PCDHGA12: variants seen among roughly 807,000 people sequenced by gnomAD.
PCDHGA12 encodes the protein protocadherin gamma-A12.
A neutral mutation model predicts 61.1 loss-of-function variants in PCDHGA12; 43 were observed. That is an observed-to-expected ratio of 0.70 (90% CI 0.55 to 0.91). PCDHGA12 has a LOEUF of 0.91. Ranked by LOEUF, PCDHGA12 falls within the 40% of genes least tolerant of loss-of-function variation. The probability of loss-of-function intolerance (pLI) is 0.00; values close to 1 mark genes in which losing one functional copy is unlikely to be tolerated. For missense variants in PCDHGA12, 1,236 were observed against 1,227.7 expected, an observed-to-expected ratio of 1.01 and a Z score of -0.10; for synonymous variants, 520 against 542.9, an observed-to-expected ratio of 0.96 and a Z score of 0.59.
rs756423770 is a variant in PCDHGA12 at position 141,430,950 on chromosome 5, T to G, written c.191T>G (p.Val64Gly). 8 of 1,609,862 alleles carry G rather than the reference T, an allele frequency of 5.0e-6. No individual in the cohort carries two copies. The East Asian group carries it at 1.6e-4, about 31-fold the overall frequency. The change falls in exon 1 of 4, where the codon GTC becomes GGC. Residue 64 changes from valine (V) to glycine (G), a missense_variant. By Grantham distance (109) the Val-to-Gly change is moderately radical. Coordinates refer to ENST00000252085, the MANE Select transcript of PCDHGA12 (RefSeq NM_003735.3). ...LEPRELAERGVRIIPRGRTQL... is the reference protein window; with the variant it reads ...LEPRELAERGGRIIPRGRTQL... ...CCCCGGGAGCTCGCGGAGCGCGGAG[T>G]CCGCATCATCCCCAGAGGTAGGACG...
intron 2 of PCDHGA12, 76 bp from the exon 3 acceptor site, chr5:141,505,317 G>T: frequency 6.2e-7 from 1 of 1,603,092 alleles, no homozygotes. Flanking sequence ...AGGTTTGGGA[G>T]CCCTGGGAGA....
At chr5:141,499,330 C>T (rs1040336371) in intron 2 of PCDHGA12, among the ~76,000 whole-genome samples, 1 of 152,170 alleles carries the variant, frequency 6.6e-6, no homozygotes, top group African/African-American at 2.4e-5. Flanking sequence ...CCTGCTCTCT[C>T]TCAGTTTGGG....
At position 141,433,195 on chromosome 5, in the gene PCDHGA12, T is replaced by C. The variant is rs765385329; in HGVS notation, c.2424+12T>C. 8 of 1,582,476 alleles carry C rather than the reference T, an allele frequency of 5.1e-6. No individual in the cohort carries two copies. Among genetic ancestry groups the C allele is most frequent in the Non-Finnish European group, 6.9e-6 (8 of 1,166,724 alleles). On this transcript the variant is annotated intron_variant, in intron 1 of 3. Transcript: ENST00000252085. ...ATGGGTTAATTGAGGTGAGTTTATA[T>C]CAAATCTTCTTTCTTTTTTTTTTTT...
chr5:141,468,505 C>A (rs1293623271), intron 1 of PCDHGA12: 1 of 152,020 alleles, frequency 6.6e-6, no homozygotes, highest in East Asian at 1.9e-4. Context: ...TTCATGTGGA[C>A]AAATTTAGTA....
chr5:141,472,533 C>A (rs1200612581), intron 1 of PCDHGA12, among the ~76,000 whole-genome samples: 3 of 150,970 alleles, frequency 2.0e-5, no homozygotes, highest in African/African-American at 7.3e-5. Flanking sequence ...GAGTGAGACA[C>A]CATCTCAAGA....
Position 141,476,351 on chromosome 5 carries a change from G to C in PCDHGA12, c.2425-18456G>C. On this transcript the variant is annotated intron_variant, in intron 1 of 3. Transcript: ENST00000252085. This position sits in a 1 kb window ranked among gnomAD's most constrained non-coding sequence, Gnocchi z 7.6. ...TGGAGCTAGCCGAAGATTCTTTGAG[G>C]TGAACCGGGAGACCGGAGAGATGTT... 3 of 1,614,182 alleles carry C rather than the reference G, an allele frequency of 1.9e-6. No homozygotes were observed. Among genetic ancestry groups the C allele is most frequent in the Non-Finnish European group, 2.5e-6 (3 of 1,180,046 alleles).
rs1193417991 is a variant in PCDHGA12 at position 141,491,413 on chromosome 5, G to C, written c.2425-3394G>C. 5.0e-6 allele frequency: 8 copies of C among 1,613,946 alleles called. No individual in the cohort carries two copies. Among genetic ancestry groups the C allele is most frequent in the African/African-American group, 1.3e-5 (1 of 74,906 alleles). ...CCTTCAGGGAAACGCAGACGGGGAC[G>C]GGGGTGGAGGGCAGTGCTGCAGGCG... On this transcript the variant is annotated intron_variant, in intron 1 of 3. Transcript: ENST00000252085. The surrounding 1 kb of genome is among the most constrained non-coding windows in gnomAD (Gnocchi z 6.9).
chr5:141,431,932 CT>C lies in PCDHGA12; in HGVS notation c.1176del (p.Phe392LeufsTer3), dbSNP rs748715936. ...TCTGTTTCATCCAAGGAAATCTGCC[CT>C]TTAAATTAGAAAAATCTTACGGAAA... ...VICFIQGNLP[F>X]KLEKSYGNYY... On this transcript the variant is annotated frameshift_variant, in exon 1 of 4. Transcript: ENST00000252085. LOFTEE classifies it high-confidence loss of function. The surrounding 1 kb of genome is among the most constrained non-coding windows in gnomAD (Gnocchi z 4.8). The C allele has an allele frequency of 6.2e-7, 1 of 1,614,172 alleles. No individual in the cohort carries two copies. Among genetic ancestry groups the C allele is most frequent in the Non-Finnish European group, 8.5e-7 (1 of 1,180,002 alleles).
intron 1 of PCDHGA12, among the ~76,000 whole-genome samples, chr5:141,444,162 T>A: frequency 8.4e-6 from 1 of 119,238 alleles, no homozygotes. Flanking sequence ...ATTTTTTTTT[T>A]TTTTTTTTTT....
At position 141,485,682 on chromosome 5, in the gene PCDHGA12, A is replaced by T. The variant is rs779441999; in HGVS notation, c.2425-9125A>T. 6.2e-7 allele frequency: 1 copy of T among 1,613,958 alleles called. No individual in the cohort carries two copies. Among genetic ancestry groups the T allele is most frequent in the Non-Finnish European group, 8.5e-7 (1 of 1,179,972 alleles). On this transcript the variant is annotated intron_variant, in intron 1 of 3. Transcript: ENST00000252085. This position sits in a 1 kb window ranked among gnomAD's most constrained non-coding sequence, Gnocchi z 5.7. ...GTGGGGAGCAATTCGATTAGCAGCT[A>T]TAGGCTGAGCTCCAATGAACACTTT...
intron 1 of PCDHGA12, among the ~76,000 whole-genome samples, chr5:141,452,165 C>G (rs917431071): frequency 2.6e-5 from 4 of 152,120 alleles, no homozygotes; most frequent in African/African-American, 9.7e-5. Flanking sequence ...TATTCTATTA[C>G]TAACATTTTT....
intron 1 of PCDHGA12, among the ~76,000 whole-genome samples, chr5:141,488,350 C>G (rs1191478919): frequency 6.6e-6 from 1 of 152,176 alleles, no homozygotes; most frequent in Non-Finnish European, 1.5e-5. Context: ...GAAACAGCCA[C>G]CCTGTGCATC....
Position 141,490,179 on chromosome 5 carries a change from A to G in PCDHGA12, c.2425-4628A>G. On this transcript the variant is annotated intron_variant, in intron 1 of 3. Transcript: ENST00000252085. This position sits in a 1 kb window ranked among gnomAD's most constrained non-coding sequence, Gnocchi z 5.4. Reference sequence around the variant, plus strand: ...TGGGTCCCATAGACTTTGAGGAGTCACGTTTCTATGAAATTCATGCAAGAG... The same window carrying G: ...TGGGTCCCATAGACTTTGAGGAGTCGCGTTTCTATGAAATTCATGCAAGAG... 1 of 1,614,202 alleles carries G rather than the reference A, an allele frequency of 6.2e-7. No individual in the cohort carries two copies. Among genetic ancestry groups the G allele is most frequent in the East Asian group, 2.2e-5 (1 of 44,882 alleles).
intron 1 of PCDHGA12, among the ~76,000 whole-genome samples, chr5:141,475,778 T>C (rs1204790631): frequency 2.0e-5 from 3 of 152,282 alleles, no homozygotes; most frequent in Non-Finnish European, 4.4e-5. Flanking sequence ...GCGCTTTGGC[T>C]GGAAACTCTG....
chr5:141,471,747 T>A (rs2099263878), intron 1 of PCDHGA12, among the ~76,000 whole-genome samples: 1 of 152,200 alleles, frequency 6.6e-6, no homozygotes, highest in African/African-American at 2.4e-5. Context: ...ACATAACATA[T>A]TTGAGGGTGT....
At chr5:141,481,472 A>G (rs2099538174) in intron 1 of PCDHGA12, among the ~76,000 whole-genome samples, 1 of 152,246 alleles carries the variant, frequency 6.6e-6, no homozygotes, top group Non-Finnish European at 1.5e-5. Context: ...CCATTGGATT[A>G]TACACTTTAA....
chr5:141,489,093 A>T lies in PCDHGA12; in HGVS notation c.2425-5714A>T. ...GCCCACCCCCGCCACTCGGTGACTA[A>T]GAACTGCTGCAAGCAGGCAAACCTC... is the stretch of plus-strand genomic sequence containing the variant. On this transcript the variant is annotated intron_variant, in intron 1 of 3. Coordinates refer to ENST00000252085, the MANE Select transcript of PCDHGA12 (RefSeq NM_003735.3). This position sits in a 1 kb window ranked among gnomAD's most constrained non-coding sequence, Gnocchi z 4.5. 2.1e-6 allele frequency: 1 copy of T among 477,272 alleles called. No individual in the cohort carries two copies. Among genetic ancestry groups the T allele is most frequent in the Non-Finnish European group, 3.6e-6 (1 of 276,700 alleles). The allele number at this position is 477,272 out of a possible 1,614,324, so 29.6% of individuals were successfully genotyped here.
chr5:141,502,179 A>G (rs1403845758), intron 2 of PCDHGA12, among the ~76,000 whole-genome samples: 2 of 152,218 alleles, frequency 1.3e-5, no homozygotes, highest in Non-Finnish European at 2.9e-5. Context: ...GGAATTTAAC[A>G]TTAATACAAT....
intron 1 of PCDHGA12, chr5:141,439,998 G>A (rs2098143949): frequency 6.5e-6 from 1 of 153,152 alleles, no homozygotes; most frequent in Non-Finnish European, 1.5e-5. Context: ...TTGGTGGTGG[G>A]AAACCTTGCC....
Sources: allele counts gnomAD v4.1 joint callset (sites outside exome capture counted in the v4.1 genomes callset), GRCh38; gene constraint gnomAD v4.1.1; non-coding constraint Gnocchi (gnomAD v3.1); transcripts MANE v1.5; gene names NCBI Gene and HGNC (gene_info 2026-07-23, HGNC 2026-07-21).